TET3: variants seen among roughly 807,000 people sequenced by gnomAD.
The protein encoded by TET3 is tet methylcytosine dioxygenase 3.
A neutral mutation model predicts 141.4 loss-of-function variants in TET3; 19 were observed. The observed-to-expected ratio is 0.13, with a 90% confidence interval of 0.09 to 0.20. The LOEUF (loss-of-function observed/expected upper bound fraction) is 0.20. Among genes scored for constraint, TET3 ranks in the 10% least tolerant of loss-of-function variants. The probability of loss-of-function intolerance (pLI) is 1.00; values close to 1 mark genes in which losing one functional copy is unlikely to be tolerated. For missense variants in TET3, 1,874 were observed against 2,356.9 expected (o/e 0.80, Z 4.24); for synonymous variants, 1,043 against 980.9 (o/e 1.06, Z -1.18).
intron 8 of TET3, among the ~76,000 whole-genome samples, chr2:74,091,858 A>G (rs930273877): frequency 6.6e-6 from 1 of 152,186 alleles, no homozygotes; most frequent in Non-Finnish European, 1.5e-5. Flanking sequence ...ACATGTCACC[A>G]GGGGCTGCTG....
intron 4 of TET3, among the ~76,000 whole-genome samples, chr2:74,071,890 C>G (rs1008537386): frequency 2.0e-5 from 3 of 152,282 alleles, no homozygotes; most frequent in Middle Eastern, 3.4e-3. Flanking sequence ...ATTTAAAATT[C>G]ATCCATGTTG....
At chr2:74,042,728 G>T (rs1443840575) in intron 3 of TET3, among the ~76,000 whole-genome samples, 1 of 152,226 alleles carries the variant, frequency 6.6e-6, no homozygotes, top group African/African-American at 2.4e-5. Flanking sequence ...AGCAGACTGA[G>T]AGTTGGGAAG....
chr2:74,029,592 A>G (rs1265739038), intron 3 of TET3, among the ~76,000 whole-genome samples: 1 of 152,210 alleles, frequency 6.6e-6, no homozygotes, highest in Non-Finnish European at 1.5e-5. Context: ...AATTAAGTGT[A>G]TGTTGCATAG....
At chr2:74,088,764 G>T (rs1034633173) in intron 7 of TET3, among the ~76,000 whole-genome samples, 1 of 151,984 alleles carries the variant, frequency 6.6e-6, no homozygotes, top group Non-Finnish European at 1.5e-5. Context: ...TTACAGTCAC[G>T]TACCTACCAC....
chr2:74,062,497 A>T (rs1172016946), intron 4 of TET3, among the ~76,000 whole-genome samples: 1 of 152,262 alleles, frequency 6.6e-6, no homozygotes, highest in East Asian at 1.9e-4. Flanking sequence ...AGAGGGAAAT[A>T]TGTTCCTGAG....
At chr2:74,061,066 G>A (rs1281528935) in intron 4 of TET3, among the ~76,000 whole-genome samples, 1 of 151,818 alleles carries the variant, frequency 6.6e-6, no homozygotes, top group Non-Finnish European at 1.5e-5. Context: ...GGGCAGAGGG[G>A]CTCCTCACTT....
In TET3 at chr2:74,093,690, C is replaced by T; in HGVS notation, c.3267+24C>T. On this transcript the variant is annotated intron_variant, in intron 10 of 11. Transcript: ENST00000409262. This position sits in a 1 kb window ranked among gnomAD's most constrained non-coding sequence, Gnocchi z 4.2. Reference sequence around the variant, plus strand: ...TGGTAAGCCTGTGCCCTGTCATAGCCCCACCTGTGGGGCAACTGTGGGAGG... The same window carrying T: ...TGGTAAGCCTGTGCCCTGTCATAGCTCCACCTGTGGGGCAACTGTGGGAGG... 1 of 1,553,174 alleles carries T rather than the reference C, an allele frequency of 6.4e-7. No homozygotes were observed. Among genetic ancestry groups the T allele is most frequent in the Non-Finnish European group, 8.7e-7 (1 of 1,143,126 alleles).
the TET3 span, among the ~76,000 whole-genome samples, chr2:74,113,854 ATAT>A: frequency 3.3e-5 from 5 of 152,210 alleles, no homozygotes; most frequent in Non-Finnish European, 7.4e-5. Flanking sequence ...GGAAAAATTC[ATAT>A]TATTAACATA....
chr2:74,018,744 CTTTT>C (rs10717099), intron 3 of TET3, among the ~76,000 whole-genome samples: 2 of 137,098 alleles, frequency 1.5e-5, no homozygotes, highest in Non-Finnish European at 1.6e-5. Context: ...ATACTTCTTA[CTTTT>C]TTTTTTTTTT....
intron 3 of TET3, among the ~76,000 whole-genome samples, chr2:74,032,451 CTGTGTGTGTGTG>C (rs61217149): frequency 0.032 from 2,308 of 71,928 alleles, 132 homozygotes; most frequent in African/African-American, 0.055. Flanking sequence ...GGGTGTGTCT[CTGTGTGTGTGTG>C]TGTGTGTGTG....
intron 2 of TET3, chr2:74,002,596 G>T: frequency 3.0e-6 from 1 of 335,566 alleles, no homozygotes; most frequent in South Asian, 1.5e-4. Flanking sequence ...CCTCCCGGCT[G>T]GGCAGGTCCA....
intron 4 of TET3, among the ~76,000 whole-genome samples, chr2:74,069,435 T>A (rs929871802): frequency 1.3e-5 from 2 of 150,992 alleles, no homozygotes; most frequent in Non-Finnish European, 2.9e-5. Flanking sequence ...TTTTTACATT[T>A]AAAAAATTGT....
chr2:74,052,727 G>C (rs950530996), intron 4 of TET3, among the ~76,000 whole-genome samples: 2 of 151,950 alleles, frequency 1.3e-5, no homozygotes, highest in African/African-American at 2.4e-5. Flanking sequence ...AAAATTAGCT[G>C]GGCATGGTGG....
intron 11 of TET3, 71 bp from the exon 12 acceptor site, chr2:74,100,322 T>C (rs2104209861): frequency 6.8e-7 from 1 of 1,469,844 alleles, no homozygotes; most frequent in Non-Finnish European, 9.2e-7. Context: ...CCATCCCCAG[T>C]CCCCGACCCA....
rs1474030339 is a variant in TET3, at chr2:74,106,522, A to G, written c.*4346A>G. ...TCCTCCCCTGGCACTGGCTGGGACC[A>G]TGGTGGGCAGGGGCTTCATTCTCTG... On this transcript the variant is annotated 3_prime_UTR_variant, in exon 12 of 12. Coordinates refer to ENST00000409262, the MANE Select transcript of TET3 (RefSeq NM_001287491.2). 2 of 153,758 alleles carry G rather than the reference A, an allele frequency of 1.3e-5. No homozygotes were observed. The highest frequency in any genetic ancestry group is 2.9e-5 in the Non-Finnish European group (2 of 68,070). 9.5% of individuals were successfully genotyped at this position (153,758 alleles called of 1,614,324 possible).
chr2:74,069,197 A>G (rs1422997167), intron 4 of TET3, among the ~76,000 whole-genome samples: 1 of 151,562 alleles, frequency 6.6e-6, no homozygotes, highest in African/African-American at 2.4e-5. Flanking sequence ...TTGGGGGATA[A>G]GGTATTAAGT....
intron 7 of TET3, among the ~76,000 whole-genome samples, chr2:74,089,365 A>G (rs1358137465): frequency 6.6e-6 from 1 of 152,180 alleles, no homozygotes; most frequent in African/African-American, 2.4e-5. Flanking sequence ...GTCGTAATCC[A>G]CTGTGTGGAT....
At position 74,079,854 on chromosome 2, in the gene TET3, C is replaced by G. The variant is rs117220449; in HGVS notation, c.2586-644C>G. ...ACTCCAGGGGCCATAGTTGCACCAT[C>G]TCTGAATATAGTGTGGTTGATTAGA... On this transcript the variant is annotated intron_variant, in intron 5 of 11. Transcript: ENST00000409262. Among the ~76,000 whole-genome samples the G allele has an allele frequency of 4.3e-4, 65 of 152,264 alleles. 2 individuals are homozygous for G. In the East Asian group the frequency reaches 0.012, roughly 28 times the overall value.
chr2:74,039,133 G>A (rs1687215092), intron 3 of TET3, among the ~76,000 whole-genome samples: 1 of 152,150 alleles, frequency 6.6e-6, no homozygotes, highest in South Asian at 2.1e-4. Flanking sequence ...GCTCTCTGTA[G>A]CATTCAGGCT....
Sources: gnomAD v4.1 joint callset for allele counts (sites outside exome capture counted in the v4.1 genomes callset) on GRCh38, gnomAD v4.1.1 for gene constraint, Gnocchi (gnomAD v3.1) non-coding constraint, MANE v1.5 for transcripts, NCBI Gene and HGNC (gene_info 2026-07-23, HGNC 2026-07-21) for gene names.